ERICH2: variants seen among roughly 807,000 people sequenced by gnomAD.
ERICH2 encodes the protein glutamate rich 2.
A neutral mutation model predicts 17.4 loss-of-function variants in ERICH2; 17 were observed. The ratio of observed to expected loss-of-function variants is 0.98; its 90% confidence interval spans 0.67 to 1.47. The LOEUF (loss-of-function observed/expected upper bound fraction) is 1.47, where lower values mean the gene tolerates loss of function less well. Among genes scored for constraint, ERICH2 ranks in the 40% most tolerant of loss-of-function variants. The pLI is 0.00. For missense variants in ERICH2, 186 were observed against 183.2 expected, an observed-to-expected ratio of 1.01 and a Z score of -0.09; for synonymous variants, 51 against 61.1, an observed-to-expected ratio of 0.83 and a Z score of 0.77.
chr2:170,798,874 G>A (rs544874022), exon 5 of ERICH2: 149 of 1,550,604 alleles, frequency 9.6e-5, no homozygotes, highest in Admixed American at 1.8e-4. Context: ...GAGCTCTGAC[G>A]AAGGTGAAGA....
upstream of ERICH2, chr2:170,783,227 T>G (rs1701072523): frequency 6.6e-6 from 1 of 152,196 alleles, no homozygotes; most frequent in Non-Finnish European, 1.5e-5. Flanking sequence ...AACTCCTGGT[T>G]TTACTCTTTC....
the ERICH2 span, among the ~76,000 whole-genome samples, chr2:170,773,137 T>G: frequency 6.6e-6 from 1 of 152,198 alleles, no homozygotes; most frequent in African/African-American, 2.4e-5. Flanking sequence ...AATTTCTGAA[T>G]CTCGTGGCTA....
chr2:170,791,034 A>T lies in ERICH2; in HGVS notation c.217-1829A>T, dbSNP rs1269808558. 2.6e-5 allele frequency among the ~76,000 whole-genome samples: 4 copies of T among 152,170 alleles called. No individual in the cohort carries two copies. The East Asian group carries it at 5.8e-4, about 22-fold the overall frequency. On this transcript the variant is annotated intron_variant, in intron 2 of 4. Coordinates refer to ENST00000409885, the Ensembl canonical transcript of ERICH2. ...TTAATTCAAACTAAAAACCAAATTAATGTATCAAGAGTTGGATATTTGAAA... is the reference window on the plus strand; with the variant it reads ...TTAATTCAAACTAAAAACCAAATTATTGTATCAAGAGTTGGATATTTGAAA...
intron 4 of ERICH2, among the ~76,000 whole-genome samples, chr2:170,798,487 A>C (rs968179969): frequency 6.6e-6 from 1 of 152,236 alleles, no homozygotes; most frequent in Non-Finnish European, 1.5e-5. Flanking sequence ...ATAAAATTCT[A>C]TGATAGAAAG....
At chr2:170,792,461 G>A (rs928645928) in intron 2 of ERICH2, among the ~76,000 whole-genome samples, 1 of 152,112 alleles carries the variant, frequency 6.6e-6, no homozygotes, top group Admixed American at 6.5e-5. Flanking sequence ...AATATCAAAT[G>A]TACATTTTGT....
chr2:170,797,716 C>T (rs569854919), intron 3 of ERICH2, among the ~76,000 whole-genome samples: 2 of 150,818 alleles, frequency 1.3e-5, no homozygotes, highest in African/African-American at 4.9e-5. Context: ...CACTTGAACC[C>T]GGGAGGCAGA....
the ERICH2 span, among the ~76,000 whole-genome samples, chr2:170,776,735 A>G: frequency 1.3e-5 from 2 of 151,774 alleles, no homozygotes; most frequent in Non-Finnish European, 2.9e-5. Flanking sequence ...CAGATAAGTT[A>G]TGTAAAACCA....
intron 3 of ERICH2, among the ~76,000 whole-genome samples, chr2:170,794,925 T>C (rs1701380018): frequency 6.6e-6 from 1 of 152,246 alleles, no homozygotes; most frequent in Non-Finnish European, 1.5e-5. Flanking sequence ...CAAGCACTTT[T>C]GACCTTTAGA....
chr2:170,782,303 T>A (rs375730169), upstream of ERICH2: 1 of 960,024 alleles, frequency 1.0e-6, no homozygotes, highest in African/African-American at 1.8e-5. Context: ...GAAAATAGAG[T>A]ATCTTCAAGG....
intron 2 of ERICH2, among the ~76,000 whole-genome samples, chr2:170,788,849 A>G (rs935270764): frequency 6.6e-6 from 1 of 152,208 alleles, no homozygotes; most frequent in African/African-American, 2.4e-5. Context: ...CTCTTTACCT[A>G]GATTCACTAC....
intron 2 of ERICH2, among the ~76,000 whole-genome samples, chr2:170,789,614 CT>C (rs941719577): frequency 3.9e-5 from 6 of 152,102 alleles, no homozygotes; most frequent in African/African-American, 1.4e-4. Context: ...TTAGATAATT[CT>C]CATCAAGGGC....
At chr2:170,781,969 T>C (rs189182031), upstream of ERICH2, among the ~76,000 whole-genome samples, 2 of 152,306 alleles carry the variant, frequency 1.3e-5, no homozygotes, top group East Asian at 3.9e-4. Context: ...CCAGAGACAT[T>C]TATATAACTG....
At chr2:170,779,118 G>C (rs972342555), upstream of ERICH2, among the ~76,000 whole-genome samples, 4 of 152,194 alleles carry the variant, frequency 2.6e-5, no homozygotes, top group African/African-American at 9.7e-5. Context: ...ACTTCACCCA[G>C]AGTTGAAGGT....
chr2:170,777,885 C>T, the ERICH2 span: 105,968 of 393,362 alleles, frequency 0.27, 15,259 homozygotes, highest in South Asian at 0.36. Flanking sequence ...GATAAAAATG[C>T]AGAAGTATAG....
chr2:170,781,552 G>A (rs1369064868), upstream of ERICH2, among the ~76,000 whole-genome samples: 4 of 151,294 alleles, frequency 2.6e-5, no homozygotes, highest in Non-Finnish European at 5.9e-5. Flanking sequence ...AGAATTGCTT[G>A]AACCTGGGAG....
At chr2:170,784,685 A>G in exon 2 of ERICH2, 1 of 1,541,116 alleles carries the variant, frequency 6.5e-7, no homozygotes, top group Non-Finnish European at 8.7e-7. Flanking sequence ...AAGCAGGAGA[A>G]AAATAATGAA....
chr2:170,784,865 AC>A (rs1465169916), intron 2 of ERICH2, 32 bp downstream of exon 7: 1 of 1,375,568 alleles, frequency 7.3e-7, no homozygotes, highest in African/African-American at 1.5e-5. Flanking sequence ...AATTGAAGAA[AC>A]TTTAAAATAT....
At chr2:170,782,368 T>C, upstream of ERICH2, 1 of 984,082 alleles carries the variant, frequency 1.0e-6, no homozygotes, top group Non-Finnish European at 1.2e-6. Context: ...ATTGTCATCT[T>C]CCTGCTTAAA....
the ERICH2 span, among the ~76,000 whole-genome samples, chr2:170,770,427 TG>T: frequency 6.6e-6 from 1 of 152,136 alleles, no homozygotes; most frequent in African/African-American, 2.4e-5. Flanking sequence ...CTGCTCTAGC[TG>T]GGGGAGAGCC....
Sources: allele counts gnomAD v4.1 joint callset (sites outside exome capture counted in the v4.1 genomes callset), GRCh38; gene constraint gnomAD v4.1.1; transcripts MANE v1.5; gene names NCBI Gene and HGNC (gene_info 2026-07-23, HGNC 2026-07-21).